MCTP2: variants seen among roughly 807,000 people sequenced by gnomAD.
MCTP2 encodes multiple C2 and transmembrane domain containing 2.
A neutral mutation model predicts 111.6 loss-of-function variants in MCTP2; 132 were observed. That is an observed-to-expected ratio of 1.18 (90% CI 1.03 to 1.37). The LOEUF (loss-of-function observed/expected upper bound fraction) is 1.37, where lower values mean the gene tolerates loss of function less well. Ranked by LOEUF, MCTP2 falls within the 40% of genes most tolerant of loss-of-function variation. MCTP2 has a pLI of 0.00. For missense variants in MCTP2, 1,183 were observed against 1,067.9 expected (o/e 1.11, Z -1.50); for synonymous variants, 395 against 387.7 (o/e 1.02, Z -0.22).
At chr15:94,268,825 T>G (rs1396981681) in intron 1 of MCTP2, among the ~76,000 whole-genome samples, 4 of 150,818 alleles carry the variant, frequency 2.7e-5, no homozygotes, top group African/African-American at 7.3e-5. Context: ...AGCTCTGAGA[T>G]GACTACTTTT....
chr15:94,372,730 G>A (rs1035616210), intron 12 of MCTP2, among the ~76,000 whole-genome samples: 4 of 151,636 alleles, frequency 2.6e-5, no homozygotes, highest in East Asian at 1.9e-4. Context: ...ATAAATGAGC[G>A]TTCATTTATT....
At chr15:94,245,152 G>T (rs2090817017) in intron 1 of MCTP2, among the ~76,000 whole-genome samples, 1 of 146,334 alleles carries the variant, frequency 6.8e-6, no homozygotes, top group Non-Finnish European at 1.5e-5. Flanking sequence ...ATACACACAT[G>T]TTTGTATATT....
chr15:94,473,407 G>A (rs1160649887), intron 21 of MCTP2, among the ~76,000 whole-genome samples: 6 of 152,192 alleles, frequency 3.9e-5, no homozygotes, highest in African/African-American at 1.4e-4. Flanking sequence ...GTGTAGGAGT[G>A]TGATTTTTGA....
At chr15:94,285,808 A>G (rs1201203535) in intron 1 of MCTP2, among the ~76,000 whole-genome samples, 1 of 152,130 alleles carries the variant, frequency 6.6e-6, no homozygotes, top group Non-Finnish European at 1.5e-5. Flanking sequence ...TAGGGGTCAT[A>G]CCCTGTCCCA....
At chr15:94,452,671 C>CTGT (rs1170208285) in intron 19 of MCTP2, among the ~76,000 whole-genome samples, 1 of 152,208 alleles carries the variant, frequency 6.6e-6, no homozygotes, top group African/African-American at 2.4e-5. Context: ...CGGGTCTTAT[C>CTGT]TGTTGATCCC....
intron 17 of MCTP2, chr15:94,402,365 A>G (rs1172440250): frequency 2.0e-6 from 3 of 1,473,986 alleles, no homozygotes; most frequent in African/African-American, 2.8e-5. Context: ...GGACTAAATA[A>G]TAACTGAATT....
intron 19 of MCTP2, among the ~76,000 whole-genome samples, chr15:94,457,083 T>C (rs1324721918): frequency 1.3e-5 from 2 of 152,186 alleles, no homozygotes; most frequent in African/African-American, 4.8e-5. Context: ...GCTTGATAGT[T>C]TAGTACAATT....
At chr15:94,409,077 T>A (rs2082032338) in intron 17 of MCTP2, among the ~76,000 whole-genome samples, 1 of 152,204 alleles carries the variant, frequency 6.6e-6, no homozygotes, top group Admixed American at 6.5e-5. Context: ...CCTGGGTGTG[T>A]CTGTGAGAGT....
At chr15:94,463,503 C>T (rs994695207) in intron 20 of MCTP2, among the ~76,000 whole-genome samples, 4 of 152,016 alleles carry the variant, frequency 2.6e-5, no homozygotes, top group Non-Finnish European at 5.9e-5. Context: ...GATTATTATT[C>T]TGGATTTTTT....
intron 6 of MCTP2, among the ~76,000 whole-genome samples, chr15:94,340,597 G>T (rs1374643895): frequency 2.0e-5 from 3 of 152,124 alleles, no homozygotes; most frequent in Non-Finnish European, 2.9e-5. Flanking sequence ...TGGTAGGGGA[G>T]GGGGATCAGT....
chr15:94,304,080 A>G (rs1405534391), intron 2 of MCTP2, among the ~76,000 whole-genome samples: 2 of 152,242 alleles, frequency 1.3e-5, no homozygotes, highest in African/African-American at 4.8e-5. Context: ...GACTCATGAT[A>G]ACCAGATGGT....
rs1053751832 is a variant in MCTP2, at chr15:94,349,318, CTCTCCT to C, written c.1005+4155_1005+4160del. 5.3e-5 allele frequency among the ~76,000 whole-genome samples: 8 copies of C among 152,302 alleles called. No homozygotes were observed. In the East Asian group the frequency reaches 1.5e-3, roughly 29 times the overall value. On this transcript the variant is annotated intron_variant, in intron 8 of 22. Coordinates refer to ENST00000357742, the MANE Select transcript of MCTP2 (RefSeq NM_001385001.1). ...TGTCTTCCTTAACATCTCATCAAAT[CTCTCCT>C]CTCAGTGATGTTTGACTCAGTTTGC... is the stretch of plus-strand genomic sequence containing the variant.
intron 10 of MCTP2, among the ~76,000 whole-genome samples, chr15:94,360,230 T>C (rs1373900484): frequency 6.6e-6 from 1 of 152,186 alleles, no homozygotes; most frequent in Non-Finnish European, 1.5e-5. Context: ...ATTGCAATCG[T>C]TTCTTCCCTG....
intron 1 of MCTP2, among the ~76,000 whole-genome samples, chr15:94,286,113 T>C (rs1160199999): frequency 6.6e-6 from 1 of 152,210 alleles, no homozygotes; most frequent in Non-Finnish European, 1.5e-5. Flanking sequence ...AAATGGTTTG[T>C]TTATCCTCTG....
intron 1 of MCTP2, among the ~76,000 whole-genome samples, chr15:94,285,110 G>A (rs1282750694): frequency 2.0e-5 from 3 of 152,136 alleles, no homozygotes; most frequent in African/African-American, 4.8e-5. Context: ...AGAGAAAAGT[G>A]GATGAGAAAA....
In MCTP2 at chr15:94,412,999, A is replaced by G. The variant is rs565145653; in HGVS notation, c.2085+10980A>G. 7.2e-5 allele frequency among the ~76,000 whole-genome samples: 11 copies of G among 152,318 alleles called. No homozygotes were observed. The South Asian group carries it at 2.3e-3, about 32-fold the overall frequency. ...CATTGGCGATTTTTACATTTTTGATAATCTACATGTTTTCAAAAAATTGAT... is the reference window on the plus strand; with the variant it reads ...CATTGGCGATTTTTACATTTTTGATGATCTACATGTTTTCAAAAAATTGAT... On this transcript the variant is annotated intron_variant, in intron 17 of 22. Coordinates refer to ENST00000357742, the MANE Select transcript of MCTP2 (RefSeq NM_001385001.1).
intron 20 of MCTP2, among the ~76,000 whole-genome samples, chr15:94,466,937 T>C (rs2073383918): frequency 6.6e-6 from 1 of 152,238 alleles, no homozygotes; most frequent in Admixed American, 6.5e-5. Flanking sequence ...GTAGCTAGTA[T>C]TATTTTCAAA....
chr15:94,409,041 T>G (rs2082030599), intron 17 of MCTP2, among the ~76,000 whole-genome samples: 1 of 152,210 alleles, frequency 6.6e-6, no homozygotes, highest in Non-Finnish European at 1.5e-5. Flanking sequence ...TCAGCTTGAT[T>G]GGATTGAAGG....
intron 20 of MCTP2, among the ~76,000 whole-genome samples, chr15:94,464,022 C>G (rs1401801080): frequency 6.6e-6 from 1 of 151,042 alleles, no homozygotes; most frequent in Admixed American, 6.6e-5. Flanking sequence ...GTGAGATTGA[C>G]TTATTTTGTG....
Sources: allele counts gnomAD v4.1 joint callset (sites outside exome capture counted in the v4.1 genomes callset), GRCh38; gene constraint gnomAD v4.1.1; transcripts MANE v1.5; gene names NCBI Gene and HGNC (gene_info 2026-07-23, HGNC 2026-07-21).